The following DCAF8 variants were observed in gnomAD, a reference collection of about 807,000 sequenced individuals.
DCAF8 encodes the protein DDB1- and CUL4-associated factor 8.
In DCAF8, 20 loss-of-function variants were observed where a neutral mutation model predicts 68.0. The observed-to-expected ratio is 0.29, with a 90% CI of 0.21 to 0.43. DCAF8 has a LOEUF of 0.43. DCAF8 is among the 20% of genes least tolerant of loss of function. The probability of loss-of-function intolerance (pLI) is 1.00; values close to 1 mark genes in which losing one functional copy is unlikely to be tolerated. For synonymous variants in DCAF8, 230 were observed against 276.9 expected (o/e 0.83, Z 1.68); for missense variants, 460 against 771.0 (o/e 0.60, Z 4.78).
chr1:160,255,087 T>C (rs1277268849), intron 2 of DCAF8, among the ~76,000 whole-genome samples: 3 of 152,190 alleles, frequency 2.0e-5, no homozygotes, highest in Non-Finnish European at 4.4e-5. Flanking sequence ...CACTCAGCAA[T>C]GATTCTCCAA....
At chr1:160,248,400 A>G (rs1205640605) in intron 2 of DCAF8, among the ~76,000 whole-genome samples, 1 of 152,176 alleles carries the variant, frequency 6.6e-6, no homozygotes, top group Non-Finnish European at 1.5e-5. Flanking sequence ...CAAAACATGT[A>G]TTTGATCAAG....
In DCAF8 at chr1:160,224,503, G is replaced by C. The variant is rs141000337; in HGVS notation, c.1248C>G (p.Ser416=). 57 of 1,614,174 alleles carry C rather than the reference G, an allele frequency of 3.5e-5. No homozygotes were observed. The highest frequency in any genetic ancestry group is 4.7e-5 in the Non-Finnish European group (55 of 1,180,006). ...CATACTGGGCCCCATCACTGTGAGA[G>C]GAGTTGAAGAGGTAAATGTCTTCAT... The part of the protein sequence containing the change: ...YNDEDIYLFN[S]SHSDGAQYVK... The change falls in exon 10 of 14, where the codon TCC becomes TCG. Residue 416 remains serine (S), a synonymous_variant. Coordinates refer to ENST00000368074, the MANE Select transcript of DCAF8 (RefSeq NM_015726.4).
chr1:160,244,934 C>T (rs1656261709), intron 2 of DCAF8, among the ~76,000 whole-genome samples: 1 of 152,132 alleles, frequency 6.6e-6, no homozygotes, highest in East Asian at 1.9e-4. Flanking sequence ...TTATTAAAGG[C>T]ACAGATACTA....
At chr1:160,217,768 G>A in intron 13 of DCAF8, 60 bp from the exon 14 acceptor site, 1 of 1,369,814 alleles carries the variant, frequency 7.3e-7, no homozygotes, top group South Asian at 1.2e-5. Flanking sequence ...AAGCCTGTTA[G>A]GTCTTAGCCA....
chr1:160,262,304 G>A (rs923271014), intron 1 of DCAF8, 145 bp downstream of exon 1: 6 of 399,158 alleles, frequency 1.5e-5, no homozygotes, highest in South Asian at 1.3e-4. Context: ...GGGGGTGTCC[G>A]GCTGGGGCAG....
chr1:160,257,993 G>A (rs996638388), intron 2 of DCAF8, among the ~76,000 whole-genome samples: 6 of 152,184 alleles, frequency 3.9e-5, no homozygotes, highest in Non-Finnish European at 5.9e-5. Flanking sequence ...CCTCCCAAAA[G>A]TGCTGGGATT....
intron 7 of DCAF8, among the ~76,000 whole-genome samples, chr1:160,226,727 G>A (rs529251129): frequency 9.2e-5 from 14 of 152,186 alleles, no homozygotes; most frequent in African/African-American, 3.4e-4. Context: ...CTACTGAAAA[G>A]AACAATCAAC....
chr1:160,225,698 T>G, intron 7 of DCAF8, 35 bp from the exon 8 acceptor site: 1 of 1,573,492 alleles, frequency 6.4e-7, no homozygotes, highest in Non-Finnish European at 8.7e-7. Context: ...TGTAAAAATG[T>G]ACAAACGAAA....
Position 160,222,793 on chromosome 1 carries a change from A to C in DCAF8, c.1310-12T>G, listed in dbSNP as rs1227323605. On this transcript the variant is annotated splice_polypyrimidine_tract_variant and intron_variant, in intron 10 of 13. Coordinates refer to ENST00000368074, the MANE Select transcript of DCAF8 (RefSeq NM_015726.4). The stretch of plus-strand genomic sequence containing the variant: ...ATTGACGCCTTTTACTGAAATGATA[A>C]ATGAGGGAAGAAACCACATGAGGGT... The C allele has an allele frequency of 1.2e-6, 2 of 1,614,154 alleles. No individual in the cohort carries two copies. Among genetic ancestry groups the C allele is most frequent in the Admixed American group, 3.3e-5 (2 of 60,026 alleles).
chr1:160,217,575 C>T lies in DCAF8; in HGVS notation c.*17G>A, dbSNP rs1212658481. On this transcript the variant is annotated 3_prime_UTR_variant, in exon 14 of 14. Transcript: ENST00000368074. ...TCAGGTTGGCAGCCCCAGCCTGCCC[C>T]ACCTAGGTATGAGGCCTCAAGATGG... The T allele has an allele frequency of 6.3e-7, 1 of 1,594,958 alleles. No homozygotes were observed. The highest frequency in any genetic ancestry group is 8.6e-7 in the Non-Finnish European group (1 of 1,165,468).
At chr1:160,256,161 T>A (rs982132207) in intron 2 of DCAF8, among the ~76,000 whole-genome samples, 2 of 151,958 alleles carry the variant, frequency 1.3e-5, no homozygotes, top group Non-Finnish European at 2.9e-5. Context: ...CTAAGAGAAC[T>A]TTCTATAAAA....
intron 2 of DCAF8, among the ~76,000 whole-genome samples, chr1:160,259,584 A>C (rs1656984329): frequency 1.3e-5 from 2 of 152,114 alleles, no homozygotes; most frequent in Non-Finnish European, 2.9e-5. Context: ...CCCAGCCCTG[A>C]TTCACTTTTA....
At chr1:160,256,974 A>C (rs1656860753) in intron 2 of DCAF8, among the ~76,000 whole-genome samples, 1 of 152,228 alleles carries the variant, frequency 6.6e-6, no homozygotes, top group Non-Finnish European at 1.5e-5. Flanking sequence ...AAAGCTTTCA[A>C]AGACTTTCTA....
chr1:160,236,043 A>G (rs368455966), intron 6 of DCAF8, among the ~76,000 whole-genome samples: 9 of 152,204 alleles, frequency 5.9e-5, no homozygotes, highest in South Asian at 2.1e-4. Context: ...CCTGCCCACA[A>G]TGGTTTTCAA....
intron 2 of DCAF8, among the ~76,000 whole-genome samples, chr1:160,247,695 T>C (rs1032867585): frequency 6.6e-6 from 1 of 152,210 alleles, no homozygotes; most frequent in African/African-American, 2.4e-5. Context: ...GAGCATCAAG[T>C]TGGCATTCGA....
At chr1:160,223,732 C>T (rs1308310227) in intron 10 of DCAF8, among the ~76,000 whole-genome samples, 1 of 152,050 alleles carries the variant, frequency 6.6e-6, no homozygotes, top group Non-Finnish European at 1.5e-5. Context: ...ACCCCATCTC[C>T]ACAAAAAATA....
chr1:160,250,579 T>C (rs566367934), intron 2 of DCAF8, among the ~76,000 whole-genome samples: 29 of 151,470 alleles, frequency 1.9e-4, no homozygotes, highest in Non-Finnish European at 3.8e-4. Context: ...CTGTGATTAA[T>C]AGAAGTTGAC....
intron 2 of DCAF8, among the ~76,000 whole-genome samples, chr1:160,247,865 C>T (rs1223596671): frequency 6.6e-6 from 1 of 152,148 alleles, no homozygotes; most frequent in African/African-American, 2.4e-5. Context: ...AAATGAATCA[C>T]AGACCTAAAT....
At chr1:160,254,568 T>C (rs1656748914) in intron 2 of DCAF8, among the ~76,000 whole-genome samples, 1 of 150,962 alleles carries the variant, frequency 6.6e-6, no homozygotes, top group African/African-American at 2.4e-5. Flanking sequence ...CCGGGCCGGG[T>C]GGATCACGAG....
Sources: allele counts gnomAD v4.1 joint callset (sites outside exome capture counted in the v4.1 genomes callset), GRCh38; gene constraint gnomAD v4.1.1; transcripts MANE v1.5; gene names NCBI Gene and HGNC (gene_info 2026-07-23, HGNC 2026-07-21).